Variants in CERS3 observed in about 807,000 individuals in gnomAD.
CERS3 encodes LAG1 homolog, ceramide synthase 3.
A neutral mutation model predicts 50.3 loss-of-function variants in CERS3; 33 were observed. That is an observed-to-expected ratio of 0.66 (90% CI 0.50 to 0.88). The LOEUF (loss-of-function observed/expected upper bound fraction) is 0.88. Among genes scored for constraint, CERS3 ranks in the 40% least tolerant of loss-of-function variants. CERS3 has a pLI of 0.00. For missense variants in CERS3, 470 were observed against 460.3 expected (o/e 1.02, Z -0.19); for synonymous variants, 176 against 155.2 (o/e 1.13, Z -0.99).
At chr15:100,540,629 C>G (rs1319729871) in intron 1 of CERS3, among the ~76,000 whole-genome samples, 4 of 152,182 alleles carry the variant, frequency 2.6e-5, no homozygotes, top group African/African-American at 9.7e-5. Context: ...TATATGCAGC[C>G]TTATTCTTTA....
intron 11 of CERS3, among the ~76,000 whole-genome samples, chr15:100,413,828 G>A: frequency 6.8e-6 from 1 of 147,180 alleles, no homozygotes; most frequent in Non-Finnish European, 1.5e-5. Flanking sequence ...ACATGAACTA[G>A]AAAACCTAGA....
intron 11 of CERS3, among the ~76,000 whole-genome samples, chr15:100,445,260 G>A (rs12903872): frequency 0.94 from 105,732 of 112,530 alleles, 50,190 homozygotes; most frequent in Non-Finnish European, 1. Context: ...CTGTCTAGTC[G>A]TACTCCTATT....
chr15:100,418,325 G>T (rs2032127286), intron 11 of CERS3, among the ~76,000 whole-genome samples: 3 of 152,060 alleles, frequency 2.0e-5, no homozygotes, highest in Admixed American at 2.0e-4. Flanking sequence ...GGAAGAAAGG[G>T]TATCAGGGAT....
intron 2 of CERS3, among the ~76,000 whole-genome samples, chr15:100,502,602 G>A (rs2036046449): frequency 6.6e-6 from 1 of 152,132 alleles, no homozygotes; most frequent in African/African-American, 2.4e-5. Context: ...GGAAATAAGG[G>A]GCAGGCACGT....
intron 3 of CERS3, among the ~76,000 whole-genome samples, chr15:100,498,709 C>T (rs2035906275): frequency 6.6e-6 from 1 of 152,160 alleles, no homozygotes; most frequent in African/African-American, 2.4e-5. Context: ...CCATATCTCC[C>T]TTTATTTTTA....
At chr15:100,419,489 T>C (rs2032232508) in intron 11 of CERS3, among the ~76,000 whole-genome samples, 1 of 140,604 alleles carries the variant, frequency 7.1e-6, no homozygotes, top group Admixed American at 7.3e-5. Flanking sequence ...AATGGGAGAC[T>C]TTAATACCCC....
intron 3 of CERS3, among the ~76,000 whole-genome samples, chr15:100,497,848 C>T (rs2035867273): frequency 9.7e-6 from 1 of 103,490 alleles, no homozygotes; most frequent in Non-Finnish European, 1.9e-5. Flanking sequence ...GGATACCTAT[C>T]TCTTACACAC....
chr15:100,505,677 T>C (rs1382462366), intron 2 of CERS3, among the ~76,000 whole-genome samples: 1 of 152,224 alleles, frequency 6.6e-6, no homozygotes, highest in Non-Finnish European at 1.5e-5. Flanking sequence ...AGTAAATCTT[T>C]GTGACCTCGA....
intron 11 of CERS3, among the ~76,000 whole-genome samples, chr15:100,445,096 C>T (rs1255734369): frequency 1.6e-5 from 2 of 121,922 alleles, no homozygotes; most frequent in Non-Finnish European, 3.8e-5. Context: ...TACCACTTTC[C>T]CTTCTCAGAA....
At chr15:100,497,886 CACACACACACTTTT>C (rs2035872241) in intron 3 of CERS3, among the ~76,000 whole-genome samples, 1 of 103,616 alleles carries the variant, frequency 9.7e-6, no homozygotes, top group Non-Finnish European at 2.0e-5. Flanking sequence ...CACACACACA[CACACACACACTTTT>C]TTTTTTTTTT....
At chr15:100,456,116 A>G (rs1425367282) in intron 10 of CERS3, 70 bp from the exon 11 acceptor site, 14 of 1,250,250 alleles carry the variant, frequency 1.1e-5, no homozygotes, top group Admixed American at 5.2e-5. Flanking sequence ...TAATAAAACA[A>G]ATAGTTTTTC....
chr15:100,409,597 G>A (rs1163940379), intron 11 of CERS3, among the ~76,000 whole-genome samples: 5 of 152,082 alleles, frequency 3.3e-5, no homozygotes, highest in Non-Finnish European at 7.4e-5. Context: ...ACTAGAGGTC[G>A]AGCCTTGGTA....
intron 11 of CERS3, among the ~76,000 whole-genome samples, chr15:100,454,684 A>G (rs1355971874): frequency 1.3e-5 from 2 of 152,196 alleles, no homozygotes; most frequent in Non-Finnish European, 2.9e-5. Context: ...AAGACCTCAA[A>G]AGCCAGGCAA....
Position 100,494,398 on chromosome 15 carries a change from C to T in CERS3, c.174-3467G>A, listed in dbSNP as rs186715621. 1.7e-3 allele frequency among the ~76,000 whole-genome samples: 260 copies of T among 151,624 alleles called. 1 individual carries two copies. Among genetic ancestry groups the T allele is most frequent in the African/African-American group, 5.7e-3 (236 of 41,286 alleles). ...GAGTAGCTGGGACTACAGGTGCCTACCACCACGCCCAGCTAATTTTTTTTA... is the reference window on the plus strand; with the variant it reads ...GAGTAGCTGGGACTACAGGTGCCTATCACCACGCCCAGCTAATTTTTTTTA... On this transcript the variant is annotated intron_variant, in intron 3 of 11. Transcript: ENST00000679737.
At chr15:100,464,006 C>A (rs567731788) in intron 10 of CERS3, among the ~76,000 whole-genome samples, 1 of 152,270 alleles carries the variant, frequency 6.6e-6, no homozygotes, top group South Asian at 2.1e-4. Flanking sequence ...TAAAACTCTC[C>A]TTTCTCTATT....
intron 4 of CERS3, among the ~76,000 whole-genome samples, chr15:100,488,356 C>T (rs2035547573): frequency 6.6e-6 from 1 of 152,194 alleles, no homozygotes; most frequent in African/African-American, 2.4e-5. Flanking sequence ...ATTACCAATG[C>T]AATATTCTAC....
At chr15:100,504,043 A>C (rs1362644590) in intron 2 of CERS3, among the ~76,000 whole-genome samples, 1 of 152,094 alleles carries the variant, frequency 6.6e-6, no homozygotes, top group Non-Finnish European at 1.5e-5. Flanking sequence ...CTGACTTCAG[A>C]TGAGAAAGAA....
chr15:100,405,806 A>G (rs2030979749), intron 11 of CERS3, among the ~76,000 whole-genome samples: 1 of 152,230 alleles, frequency 6.6e-6, no homozygotes, highest in African/African-American at 2.4e-5. Context: ...CAACAGAAAA[A>G]TGTCCATTTT....
intron 11 of CERS3, among the ~76,000 whole-genome samples, chr15:100,449,535 G>T (rs566263432): frequency 6.6e-6 from 1 of 152,154 alleles, no homozygotes; most frequent in Non-Finnish European, 1.5e-5. Flanking sequence ...GGGGCCCAAG[G>T]ACTAGCCCAC....
Sources: allele counts gnomAD v4.1 joint callset (sites outside exome capture counted in the v4.1 genomes callset), GRCh38; gene constraint gnomAD v4.1.1; transcripts MANE v1.5; gene names NCBI Gene and HGNC (gene_info 2026-07-23, HGNC 2026-07-21).